The following CNBD1 variants were observed in gnomAD, a reference collection of about 807,000 sequenced individuals.
The protein encoded by CNBD1 is cyclic nucleotide-binding domain-containing protein 1.
Under a neutral mutation model 54.4 loss-of-function variants are expected in CNBD1, and 71 were observed. The ratio of observed to expected loss-of-function variants is 1.30; its 90% confidence interval spans 1.08 to 1.59. CNBD1 has a LOEUF of 1.59. CNBD1 is among the 40% of genes most tolerant of loss of function. The pLI is 0.00. For synonymous variants in CNBD1, 182 were observed against 170.7 expected (o/e 1.07, Z -0.51); for missense variants, 659 against 518.0 (o/e 1.27, Z -2.64).
chr8:86,927,475 T>A (rs1206412645), intron 3 of CNBD1, among the ~76,000 whole-genome samples: 2 of 152,132 alleles, frequency 1.3e-5, no homozygotes, highest in African/African-American at 4.8e-5. Flanking sequence ...TAGGTGACTC[T>A]GAAGTTACTA....
intron 2 of CNBD1, among the ~76,000 whole-genome samples, chr8:87,405,107 G>A (rs1403225428): frequency 1.3e-5 from 2 of 151,920 alleles, no homozygotes; most frequent in African/African-American, 2.4e-5. Context: ...TGATTCTGTC[G>A]AAAGTTGTAC....
chr8:86,909,746 C>T (rs909067144), intron 3 of CNBD1, among the ~76,000 whole-genome samples: 8 of 152,154 alleles, frequency 5.3e-5, no homozygotes, highest in Non-Finnish European at 8.8e-5. Flanking sequence ...TTTTTAAAAT[C>T]TGAGAACCCT....
rs1463982949 is a variant in CNBD1, at chr8:87,323,523, T to A, written c.1043-28162T>A. Among the ~76,000 whole-genome samples the A allele has an allele frequency of 1.6e-5, 2 of 121,748 alleles. 1 individual carries two copies. The highest frequency in any genetic ancestry group is 3.7e-5 in the Non-Finnish European group (2 of 54,546). 79.9% of individuals were successfully genotyped at this position (121,748 alleles called of 152,430 possible). A position where few individuals can be genotyped will look rare whatever the true frequency, so the allele number is the denominator to read the frequency against. ...TTCTTGAAGAGGTCCTTCACATCCC[T>A]TGTAAGTTGGATTCCTAGGTATTTT... On this transcript the variant is annotated intron_variant, in intron 8 of 10. Coordinates refer to ENST00000518476, the MANE Select transcript of CNBD1 (RefSeq NM_173538.3).
chr8:87,338,441 A>G (rs1434513524), intron 8 of CNBD1, among the ~76,000 whole-genome samples: 3 of 152,132 alleles, frequency 2.0e-5, no homozygotes, highest in Non-Finnish European at 4.4e-5. Flanking sequence ...TTCAGGTTAC[A>G]GAATTCAAGG....
At chr8:87,220,891 A>C (rs1480424115) in intron 5 of CNBD1, among the ~76,000 whole-genome samples, 1 of 152,172 alleles carries the variant, frequency 6.6e-6, no homozygotes, top group African/African-American at 2.4e-5. Flanking sequence ...AATGATCAGA[A>C]ATATATCATC....
At chr8:87,091,652 C>G (rs1168052242) in intron 4 of CNBD1, among the ~76,000 whole-genome samples, 1 of 152,064 alleles carries the variant, frequency 6.6e-6, no homozygotes, top group Non-Finnish European at 1.5e-5. Context: ...AAAGGGAGTT[C>G]CATTTTCTTC....
At chr8:87,410,611 C>T (rs529418369) in intron 2 of CNBD1, among the ~76,000 whole-genome samples, 5 of 152,212 alleles carry the variant, frequency 3.3e-5, no homozygotes, top group African/African-American at 1.2e-4. Context: ...ATTACATAAA[C>T]TTAGTGAAGC....
chr8:86,875,100 C>T (rs1399243932), intron 1 of CNBD1, among the ~76,000 whole-genome samples: 1 of 151,018 alleles, frequency 6.6e-6, no homozygotes. Flanking sequence ...TTCTCCCTTT[C>T]TGTATTTCTA....
intron 6 of CNBD1, among the ~76,000 whole-genome samples, chr8:87,249,488 A>G (rs1807871560): frequency 6.6e-6 from 1 of 152,128 alleles, no homozygotes; most frequent in Non-Finnish European, 1.5e-5. Flanking sequence ...TCTGTGGAGA[A>G]AACATTTCCA....
chr8:87,246,012 T>G (rs2130834364), intron 6 of CNBD1, among the ~76,000 whole-genome samples: 1 of 152,244 alleles, frequency 6.6e-6, no homozygotes, highest in Non-Finnish European at 1.5e-5. Flanking sequence ...ATTGGTTTAT[T>G]TTACTTTAGT....
intron 4 of CNBD1, among the ~76,000 whole-genome samples, chr8:87,070,619 T>A (rs918475001): frequency 1.3e-5 from 2 of 152,050 alleles, no homozygotes; most frequent in African/African-American, 2.4e-5. Flanking sequence ...TTATTATAGA[T>A]TTTTGAGCTG....
intron 2 of CNBD1, among the ~76,000 whole-genome samples, chr8:87,421,276 TA>T (rs1245520112): frequency 3.3e-5 from 5 of 151,956 alleles, no homozygotes; most frequent in Admixed American, 6.6e-5. Flanking sequence ...TTTATTTCTT[TA>T]TTTTTTTATA....
At chr8:87,391,261 TAAA>T (rs200634539) in intron 2 of CNBD1, among the ~76,000 whole-genome samples, 1 of 151,474 alleles carries the variant, frequency 6.6e-6, no homozygotes, top group African/African-American at 2.4e-5. Flanking sequence ...AAATTTCAAA[TAAA>T]AAAAAGATAA....
At chr8:87,326,427 A>C (rs1749092182) in intron 8 of CNBD1, among the ~76,000 whole-genome samples, 1 of 126,594 alleles carries the variant, frequency 7.9e-6, no homozygotes, top group Admixed American at 7.7e-5. Context: ...TCTCCCCATC[A>C]CTTTCAGGTA....
intron 6 of CNBD1, among the ~76,000 whole-genome samples, chr8:87,258,417 T>C (rs1050675316): frequency 1.5e-5 from 2 of 136,798 alleles, no homozygotes; most frequent in African/African-American, 5.9e-5. Flanking sequence ...AATTTTTCTT[T>C]TTTTTATTTC....
chr8:87,345,778 A>G (rs1196438759), intron 8 of CNBD1, among the ~76,000 whole-genome samples: 1 of 152,130 alleles, frequency 6.6e-6, no homozygotes, highest in Non-Finnish European at 1.5e-5. Context: ...CACCAAAACT[A>G]GTTGTGATTT....
chr8:87,007,196 T>G (rs111564459), intron 4 of CNBD1, among the ~76,000 whole-genome samples: 4,512 of 148,486 alleles, frequency 0.03, 233 homozygotes, highest in African/African-American at 0.1. Context: ...AAACTCCATC[T>G]CAGAAAAAAA....
At chr8:87,296,818 CACTT>C (rs992507547) in intron 8 of CNBD1, among the ~76,000 whole-genome samples, 1 of 151,950 alleles carries the variant, frequency 6.6e-6, no homozygotes, top group African/African-American at 2.4e-5. Context: ...CTTAGGCTGA[CACTT>C]ACAGAAATAT....
In CNBD1 at chr8:86,949,947, CTTTTTTTTTTTTTTTTT is replaced by C. The variant is rs770744308; in HGVS notation, c.431+10204_431+10220del. Among the ~76,000 whole-genome samples, 148 of 15,724 alleles carry C rather than the reference CTTTTTTTTTTTTTTTTT, an allele frequency of 9.4e-3. 34 individuals carry two copies. Among genetic ancestry groups the C allele is most frequent in the South Asian group, 0.014 (5 of 364 alleles). 10.3% of individuals were successfully genotyped at this position (15,724 alleles called of 152,430 possible). ...AAGAGATGTTATACTTCATCAAATG[CTTTTTTTTTTTTTTTTT>C]TTTTTTTTTTGAGATGGAGTCTCGC... On this transcript the variant is annotated intron_variant, in intron 4 of 10. Transcript: ENST00000518476.
Sources: gnomAD v4.1 joint callset for allele counts (sites outside exome capture counted in the v4.1 genomes callset) on GRCh38, gnomAD v4.1.1 for gene constraint, MANE v1.5 for transcripts, NCBI Gene and HGNC (gene_info 2026-07-23, HGNC 2026-07-21) for gene names.